The following SNRNP40 variants were observed in gnomAD, a reference collection of about 807,000 sequenced individuals.
SNRNP40 encodes the protein small nuclear ribonucleoprotein U5 subunit 40, also known as U5 small nuclear ribonucleoprotein 40 kDa protein.
Under a neutral mutation model 45.8 loss-of-function variants are expected in SNRNP40, and 21 were observed. The observed-to-expected ratio is 0.46, with a 90% CI of 0.32 to 0.66. The LOEUF (loss-of-function observed/expected upper bound fraction) is 0.66, where lower values mean the gene tolerates loss of function less well. SNRNP40 is among the 30% of genes least tolerant of loss of function. The probability of loss-of-function intolerance (pLI) is 0.03; values close to 1 mark genes in which losing one functional copy is unlikely to be tolerated. For synonymous variants in SNRNP40, 142 were observed against 163.8 expected (o/e 0.87, Z 1.01); for missense variants, 344 against 439.1 (o/e 0.78, Z 1.94).
intron 7 of SNRNP40, 59 bp downstream of exon 7, chr1:31,269,099 C>T: frequency 6.8e-7 from 1 of 1,465,886 alleles, no homozygotes; most frequent in Non-Finnish European, 9.2e-7. Flanking sequence ...CTTAGTACCA[C>T]CTTAAATGTT....
chr1:31,278,227 C>T (rs957516157), intron 5 of SNRNP40, among the ~76,000 whole-genome samples: 6 of 152,064 alleles, frequency 3.9e-5, no homozygotes, highest in Admixed American at 3.9e-4. Flanking sequence ...TGCTGTATAG[C>T]ACTATTGTCT....
chr1:31,259,973 T>C lies in SNRNP40; in HGVS notation c.*99A>G, dbSNP rs1645846729. On this transcript the variant is annotated 3_prime_UTR_variant, in exon 10 of 10. Transcript: ENST00000263694. ...CTGTTTCTTGCTAGCAATGGTCATC[T>C]GAAGGGAGGGTGCTAGCCTGGACAT... 1 of 883,474 alleles carries C rather than the reference T, an allele frequency of 1.1e-6. No individual in the cohort carries two copies. The highest frequency in any genetic ancestry group is 1.9e-6 in the Non-Finnish European group (1 of 518,566). 54.7% of individuals were successfully genotyped at this position (883,474 alleles called of 1,614,324 possible).
Position 31,260,091 on chromosome 1 carries a change from T to G in SNRNP40, c.1055A>C (p.Tyr352Ser). Residue 352 changes from tyrosine (Y) to serine (S), a missense_variant, in exon 10 of 10, where the codon TAT (tyrosine) becomes TCT (serine). Coordinates refer to ENST00000263694, the MANE Select transcript of SNRNP40 (RefSeq NM_004814.3). ...ATATCTTCACTGAATCTCTCCCATATACAGTCTCTTGTCACTCGATGCTGA... is the reference window on the plus strand; with the variant it reads ...ATATCTTCACTGAATCTCTCCCATAGACAGTCTCTTGTCACTCGATGCTGA... The part of the protein sequence containing the change: ...IISASSDKRL[Y>S]MGEIQ The G allele has an allele frequency of 6.2e-7, 1 of 1,610,326 alleles. No homozygotes were observed. Among genetic ancestry groups the G allele is most frequent in the Non-Finnish European group, 8.5e-7 (1 of 1,177,592 alleles).
chr1:31,285,188 CT>C (rs1646048558), intron 4 of SNRNP40, among the ~76,000 whole-genome samples: 1 of 150,498 alleles, frequency 6.6e-6, no homozygotes, highest in African/African-American at 2.4e-5. Flanking sequence ...AAAAAGAACA[CT>C]TTTTTTGGTC....
chr1:31,286,642 G>A (rs1456369410), intron 4 of SNRNP40, among the ~76,000 whole-genome samples: 3 of 152,250 alleles, frequency 2.0e-5, no homozygotes, highest in Non-Finnish European at 2.9e-5. Context: ...ACTGCTTCAC[G>A]TACAGGCGAC....
chr1:31,294,231 T>C (rs1377620831), intron 1 of SNRNP40, among the ~76,000 whole-genome samples: 1 of 152,234 alleles, frequency 6.6e-6, no homozygotes. Context: ...GTGCTGGGAT[T>C]ATAGGCATGA....
At position 31,269,141 on chromosome 1, in the gene SNRNP40, T is replaced by C. The variant is rs774164101; in HGVS notation, c.858+17A>G. 2 of 1,570,834 alleles carry C rather than the reference T, an allele frequency of 1.3e-6. No homozygotes were observed. Among genetic ancestry groups the C allele is most frequent in the Non-Finnish European group, 1.7e-6 (2 of 1,161,154 alleles). On this transcript the variant is annotated intron_variant, in intron 7 of 9. Coordinates refer to ENST00000263694, the MANE Select transcript of SNRNP40 (RefSeq NM_004814.3). ...AAGTAAATGAACAGTAAAACTCCTCTGCCATGCAGAACTCACCTTTTCAAA... is the reference window on the plus strand; with the variant it reads ...AAGTAAATGAACAGTAAAACTCCTCCGCCATGCAGAACTCACCTTTTCAAA...
intron 5 of SNRNP40, among the ~76,000 whole-genome samples, chr1:31,278,123 T>C (rs1645989304): frequency 6.6e-6 from 1 of 152,236 alleles, no homozygotes; most frequent in Non-Finnish European, 1.5e-5. Context: ...ATCTCTTCTT[T>C]GCCCTATGAT....
At chr1:31,282,686 T>C (rs1258897250) in intron 4 of SNRNP40, among the ~76,000 whole-genome samples, 1 of 151,846 alleles carries the variant, frequency 6.6e-6, no homozygotes, top group African/African-American at 2.4e-5. Flanking sequence ...TATCTATCTA[T>C]CTATCTAGGG....
At chr1:31,279,875 G>A (rs1189847247) in intron 5 of SNRNP40, among the ~76,000 whole-genome samples, 2 of 151,716 alleles carry the variant, frequency 1.3e-5, no homozygotes, top group African/African-American at 4.8e-5. Flanking sequence ...TTGGGAGGCC[G>A]AGGCAGGTGG....
chr1:31,278,217 T>A (rs1645989796), intron 5 of SNRNP40, among the ~76,000 whole-genome samples: 1 of 152,198 alleles, frequency 6.6e-6, no homozygotes, highest in Admixed American at 6.5e-5. Flanking sequence ...TGAGAATTTG[T>A]GCTGTATAGC....
chr1:31,281,377 G>A lies in SNRNP40; in HGVS notation c.651C>T (p.Ile217=), dbSNP rs933713025. The A allele has an allele frequency of 1.9e-6, 3 of 1,591,220 alleles. No individual in the cohort carries two copies. Among genetic ancestry groups the A allele is most frequent in the Non-Finnish European group, 1.7e-6 (2 of 1,161,788 alleles). The part of the protein sequence containing the change: ...QIISGGIDND[I]KVWDLRQNKL... ...ATATCATAAACATCAAACATACCTT[G>A]ATATCATTGTCTATTCCACCAGAAA... Residue 217 remains isoleucine (I), a synonymous_variant, in exon 5 of 10, where the codon ATC becomes ATT. Coordinates refer to ENST00000263694, the MANE Select transcript of SNRNP40 (RefSeq NM_004814.3).
At chr1:31,274,328 C>T (rs762883957) in intron 5 of SNRNP40, among the ~76,000 whole-genome samples, 1 of 152,056 alleles carries the variant, frequency 6.6e-6, no homozygotes, top group Non-Finnish European at 1.5e-5. Context: ...CCTCTGCCTC[C>T]CGGGTTCAAG....
rs186235105 is a variant in SNRNP40 at position 31,266,139 on chromosome 1, A to T, written c.920+1732T>A. On this transcript the variant is annotated intron_variant, in intron 8 of 9. Transcript: ENST00000263694. ...GCATTAAACTTGTCAGGAAAAAAAA[A>T]AGTAGACTCTGGAATTTAAATATGT... 1.0e-3 allele frequency among the ~76,000 whole-genome samples: 158 copies of T among 152,286 alleles called. 1 individual carries two copies. Among genetic ancestry groups the T allele is most frequent in the African/African-American group, 3.7e-3 (153 of 41,560 alleles).
rs1441587625 is a variant in SNRNP40, at chr1:31,259,808, A to G, written c.*264T>C. ...AAATTTGTCACATTGGGCCTGCATT[A>G]GAAAACAGGAAAAAAGAAAAAGAAA... On this transcript the variant is annotated 3_prime_UTR_variant, in exon 10 of 10. Transcript: ENST00000263694. The G allele has an allele frequency of 3.2e-6, 2 of 616,630 alleles. No homozygotes were observed. Among genetic ancestry groups the G allele is most frequent in the South Asian group, 1.6e-5 (1 of 61,524 alleles). The allele number at this position is 616,630 out of a possible 1,614,324, so 38.2% of individuals were successfully genotyped here.
chr1:31,275,342 G>A (rs1429731611), intron 5 of SNRNP40, among the ~76,000 whole-genome samples: 1 of 152,140 alleles, frequency 6.6e-6, no homozygotes, highest in Non-Finnish European at 1.5e-5. Flanking sequence ...ACAACTAAGA[G>A]TCTTCCTGAG....
intron 6 of SNRNP40, 123 bp downstream of exon 6, chr1:31,271,256 G>T: frequency 1.0e-6 from 1 of 987,430 alleles, no homozygotes; most frequent in Non-Finnish European, 1.5e-6. Context: ...TACAGTCCTA[G>T]ATTCTTGACT....
intron 5 of SNRNP40, among the ~76,000 whole-genome samples, chr1:31,272,937 A>C (rs1243485560): frequency 3.9e-5 from 6 of 152,200 alleles, no homozygotes; most frequent in Non-Finnish European, 8.8e-5. Flanking sequence ...ATTGCAATGT[A>C]GTTTTTTTCT....
intron 5 of SNRNP40, among the ~76,000 whole-genome samples, chr1:31,279,137 T>C (rs1045745537): frequency 3.9e-5 from 6 of 152,110 alleles, no homozygotes; most frequent in Admixed American, 3.9e-4. Context: ...TCCAGGGTAT[T>C]CCTCTAAGTA....
Sources: allele counts gnomAD v4.1 joint callset (sites outside exome capture counted in the v4.1 genomes callset), GRCh38; gene constraint gnomAD v4.1.1; transcripts MANE v1.5; gene names NCBI Gene and HGNC (gene_info 2026-07-23, HGNC 2026-07-21).